HERC3: variants seen among roughly 807,000 people sequenced by gnomAD.
HERC3 encodes the protein HECT and RLD domain containing E3 ubiquitin protein ligase 3.
A neutral mutation model predicts 129.9 loss-of-function variants in HERC3; 58 were observed. The ratio of observed to expected loss-of-function variants is 0.45; its 90% CI spans 0.36 to 0.56. HERC3 has a LOEUF of 0.56. Ranked by LOEUF, HERC3 falls within the 20% of genes least tolerant of loss-of-function variation. The pLI is 0.00. For synonymous variants in HERC3, 430 were observed against 451.0 expected, an observed-to-expected ratio of 0.95 and a Z score of 0.59; for missense variants, 835 against 1,244.2, an observed-to-expected ratio of 0.67 and a Z score of 4.95.
chr4:88,647,500 T>C (rs1728819439), intron 3 of HERC3, among the ~76,000 whole-genome samples: 1 of 152,128 alleles, frequency 6.6e-6, no homozygotes, highest in Admixed American at 6.5e-5. Flanking sequence ...CCACCTGGGC[T>C]CCTTTGATAG....
intron 3 of HERC3, among the ~76,000 whole-genome samples, chr4:88,646,538 G>A (rs1457672031): frequency 6.6e-6 from 1 of 152,214 alleles, no homozygotes; most frequent in Non-Finnish European, 1.5e-5. Context: ...TGCTTCTTCA[G>A]TGTGTTTAGT....
Position 88,704,498 on chromosome 4 carries a change from T to C in HERC3, c.2842-10T>C, listed in dbSNP as rs1735605990. ...AGATACATTTTTTTCTTTTTCTCTT[T>C]TTTGGACAGACTGCCATCTACAAGG... On this transcript the variant is annotated splice_polypyrimidine_tract_variant and intron_variant, in intron 24 of 25. Coordinates refer to ENST00000402738, the MANE Select transcript of HERC3 (RefSeq NM_014606.3). 6.4e-7 allele frequency: 1 copy of C among 1,573,978 alleles called. No individual in the cohort carries two copies. The highest frequency in any genetic ancestry group is 1.4e-5 in the African/African-American group (1 of 73,912).
intron 16 of HERC3, among the ~76,000 whole-genome samples, chr4:88,671,765 T>TC (rs904929998): frequency 3.3e-5 from 5 of 152,080 alleles, no homozygotes; most frequent in African/African-American, 1.2e-4. Context: ...CTCAAGTGAT[T>TC]CACCAGCCTC....
chr4:88,659,753 G>A (rs1730296604), intron 10 of HERC3, among the ~76,000 whole-genome samples: 1 of 152,150 alleles, frequency 6.6e-6, no homozygotes, highest in South Asian at 2.1e-4. Flanking sequence ...ATTTCCCCTA[G>A]AAACTAGTAT....
chr4:88,553,981 G>A, the HERC3 span, among the ~76,000 whole-genome samples: 2 of 152,202 alleles, frequency 1.3e-5, no homozygotes, highest in Non-Finnish European at 2.9e-5. Context: ...TGGCAATGTG[G>A]TGCTTAATAA....
chr4:88,634,015 C>T lies in HERC3; in HGVS notation c.227-15825C>T, dbSNP rs779908477. Among the ~76,000 whole-genome samples the T allele has an allele frequency of 6.6e-5, 10 of 152,122 alleles. No homozygotes were observed. In the South Asian group the frequency reaches 8.3e-4, roughly 13 times the overall value. On this transcript the variant is annotated intron_variant, in intron 3 of 25. Coordinates refer to ENST00000402738, the MANE Select transcript of HERC3 (RefSeq NM_014606.3). Reference sequence around the variant, plus strand: ...CCAAAACAGTGTATTAATCTTGCACCGGCAACCAAGATATCCAGGTTTGGT... The same window carrying T: ...CCAAAACAGTGTATTAATCTTGCACTGGCAACCAAGATATCCAGGTTTGGT...
intron 25 of HERC3, among the ~76,000 whole-genome samples, chr4:88,705,160 C>T (rs962031213): frequency 6.6e-6 from 1 of 152,104 alleles, no homozygotes; most frequent in Non-Finnish European, 1.5e-5. Context: ...AGCCACCACG[C>T]CTGGCCTGAT....
At chr4:88,687,686 A>G (rs957862041) in intron 23 of HERC3, among the ~76,000 whole-genome samples, 1 of 152,250 alleles carries the variant, frequency 6.6e-6, no homozygotes, top group African/African-American at 2.4e-5. Flanking sequence ...CCCAGCATCT[A>G]GCACAGAGTT....
Position 88,704,230 on chromosome 4 carries a change from G to C in HERC3, c.2790G>C (p.Leu930=), listed in dbSNP as rs1344250630. 1 of 1,614,170 alleles carries C rather than the reference G, an allele frequency of 6.2e-7. No individual in the cohort carries two copies. Among genetic ancestry groups the C allele is most frequent in the Non-Finnish European group, 8.5e-7 (1 of 1,180,034 alleles). Residue 930 remains leucine (L), a synonymous_variant, in exon 24 of 26, where the codon CTG becomes CTC. Coordinates refer to ENST00000402738, the MANE Select transcript of HERC3 (RefSeq NM_014606.3). The part of the protein sequence containing the change: ...KVLELFQPSE[L]RAMMVGNSNY... Reference sequence around the variant, plus strand: ...TTGAGCTCTTCCAGCCTTCAGAACTGAGGGCTATGATGGTGGGGAACAGCA... The same window carrying C: ...TTGAGCTCTTCCAGCCTTCAGAACTCAGGGCTATGATGGTGGGGAACAGCA...
At chr4:88,658,669 A>G (rs753354162) in intron 10 of HERC3, among the ~76,000 whole-genome samples, 178 bp downstream of exon 10, 5 of 152,254 alleles carry the variant, frequency 3.3e-5, no homozygotes, top group African/African-American at 9.6e-5. Context: ...GCTCCCTTGA[A>G]GTGCCAACAA....
intron 1 of HERC3, chr4:88,593,444 A>G (rs1721976087): frequency 6.6e-6 from 1 of 152,294 alleles, no homozygotes; most frequent in South Asian, 2.1e-4. Context: ...GACAGTACCT[A>G]ATGCGACTGT....
intron 3 of HERC3, among the ~76,000 whole-genome samples, chr4:88,646,996 T>G (rs556073310): frequency 2.0e-5 from 3 of 152,252 alleles, no homozygotes; most frequent in African/African-American, 7.2e-5. Context: ...ACTCAACTAC[T>G]TACTTCCCAA....
At chr4:88,687,149 C>T (rs1733565621) in intron 22 of HERC3, 68 bp from the exon 23 acceptor site, 1 of 1,182,610 alleles carries the variant, frequency 8.5e-7, no homozygotes, top group Non-Finnish European at 1.2e-6. Context: ...CTCTCTCAGT[C>T]ATTTGAGTTC....
chr4:88,656,555 A>T (rs1409905781), intron 9 of HERC3: 1 of 154,958 alleles, frequency 6.5e-6, no homozygotes, highest in African/African-American at 2.4e-5. Flanking sequence ...CAAGCCATTC[A>T]TGAGGGATCC....
At chr4:88,662,747 T>TC (rs1730624217) in intron 11 of HERC3, among the ~76,000 whole-genome samples, 192 bp downstream of exon 11, 1 of 152,134 alleles carries the variant, frequency 6.6e-6, no homozygotes, top group Non-Finnish European at 1.5e-5. Flanking sequence ...AATGGATGGA[T>TC]CCCCAATTCT....
Position 88,686,734 on chromosome 4 carries a change from A to G in HERC3, c.2508-2A>G. 6.2e-7 allele frequency: 1 copy of G among 1,601,258 alleles called. No homozygotes were observed. Among genetic ancestry groups the G allele is most frequent in the Non-Finnish European group, 8.6e-7 (1 of 1,168,646 alleles). On this transcript the variant is annotated splice_acceptor_variant, in intron 21 of 25. Transcript: ENST00000402738. LOFTEE classifies it high-confidence loss of function. The stretch of plus-strand genomic sequence containing the variant: ...TTTCCTTTTCTGTCATTCTATGATT[A>G]GGAGTCTCCAAGAGCTTTTAGATTA...
intron 2 of HERC3, among the ~76,000 whole-genome samples, chr4:88,598,705 A>C (rs1181044925): frequency 6.6e-6 from 1 of 152,214 alleles, no homozygotes; most frequent in African/African-American, 2.4e-5. Flanking sequence ...TTTGGAGCTT[A>C]AGGTGGGTAA....
chr4:88,600,981 G>A (rs937170652), intron 2 of HERC3, among the ~76,000 whole-genome samples: 2 of 152,216 alleles, frequency 1.3e-5, no homozygotes, highest in Non-Finnish European at 2.9e-5. Flanking sequence ...TCTAGATTAT[G>A]TGAGCTTGCT....
chr4:88,560,910 T>C, the HERC3 span, among the ~76,000 whole-genome samples: 2 of 152,232 alleles, frequency 1.3e-5, no homozygotes, highest in African/African-American at 4.8e-5. Flanking sequence ...CTTGGATGTA[T>C]TTCTGGTCTC....
Sources: gnomAD v4.1 joint callset for allele counts (sites outside exome capture counted in the v4.1 genomes callset) on GRCh38, gnomAD v4.1.1 for gene constraint, MANE v1.5 for transcripts, NCBI Gene and HGNC (gene_info 2026-07-23, HGNC 2026-07-21) for gene names.